Variants in FIP1L1 observed in about 807,000 individuals in gnomAD.
The protein encoded by FIP1L1 is factor interacting with PAPOLA and CPSF1.
FIP1L1 carries 21 observed loss-of-function variants against 84.6 expected under a neutral mutation model. The ratio of observed to expected loss-of-function variants is 0.25; its 90% confidence interval spans 0.18 to 0.36. The LOEUF is 0.36. FIP1L1 is among the 10% of genes least tolerant of loss of function. FIP1L1 has a pLI of 1.00. For synonymous variants in FIP1L1, 263 were observed against 242.3 expected (o/e 1.09, Z -0.80); for missense variants, 526 against 751.1 (o/e 0.70, Z 3.50).
At chr4:53,440,913 A>G (rs577329956) in intron 13 of FIP1L1, 3 of 246,758 alleles carry the variant, frequency 1.2e-5, no homozygotes, top group East Asian at 1.0e-4. Context: ...TTACAGACCA[A>G]TGAATTTTTT....
chr4:53,400,142 T>G (rs955814406), intron 10 of FIP1L1, among the ~76,000 whole-genome samples: 3 of 152,176 alleles, frequency 2.0e-5, no homozygotes, highest in Non-Finnish European at 4.4e-5. Flanking sequence ...AACAGTAGTA[T>G]TTGCTGTTTC....
intron 9 of FIP1L1, among the ~76,000 whole-genome samples, chr4:53,399,354 T>C (rs1425647803): frequency 6.6e-6 from 1 of 152,148 alleles, no homozygotes; most frequent in African/African-American, 2.4e-5. Flanking sequence ...AGAATAAGGG[T>C]GGTGAACACA....
chr4:53,454,103 T>A (rs575754085), intron 16 of FIP1L1, among the ~76,000 whole-genome samples: 1 of 152,330 alleles, frequency 6.6e-6, no homozygotes, highest in South Asian at 2.1e-4. Flanking sequence ...GTATGTGTTT[T>A]AAAAAATTTT....
At chr4:53,406,093 C>G (rs1339899551) in intron 10 of FIP1L1, among the ~76,000 whole-genome samples, 4 of 152,076 alleles carry the variant, frequency 2.6e-5, no homozygotes, top group Admixed American at 1.3e-4. Context: ...TGCCAGTTTT[C>G]AAAGGGAATG....
intron 9 of FIP1L1, among the ~76,000 whole-genome samples, chr4:53,399,412 CAT>C (rs2149484001): frequency 6.6e-6 from 1 of 152,278 alleles, no homozygotes; most frequent in Non-Finnish European, 1.5e-5. Context: ...AACATGAAGT[CAT>C]AACCAAGTAT....
intron 5 of FIP1L1, among the ~76,000 whole-genome samples, chr4:53,388,489 C>G (rs1560491107): frequency 6.6e-6 from 1 of 152,306 alleles, no homozygotes; most frequent in East Asian, 1.9e-4. Context: ...CGCCCACCCC[C>G]ATGCCTGGCT....
intron 5 of FIP1L1, among the ~76,000 whole-genome samples, chr4:53,386,681 T>C (rs897812496): frequency 6.6e-6 from 1 of 152,158 alleles, no homozygotes; most frequent in Non-Finnish European, 1.5e-5. Flanking sequence ...GATGCGTGCC[T>C]TGGAGGAAGT....
At chr4:53,395,710 A>C (rs992878913) in intron 9 of FIP1L1, among the ~76,000 whole-genome samples, 4 of 152,132 alleles carry the variant, frequency 2.6e-5, no homozygotes, top group Admixed American at 6.5e-5. Context: ...TTAGGATGAG[A>C]CATAGTAATA....
intron 10 of FIP1L1, among the ~76,000 whole-genome samples, chr4:53,413,183 A>G (rs1469493796): frequency 6.7e-6 from 1 of 149,500 alleles, no homozygotes. Context: ...GGGTGTTTTT[A>G]TAGTTTGGCA....
At chr4:53,448,198 A>G (rs1287462209) in intron 15 of FIP1L1, among the ~76,000 whole-genome samples, 2 of 152,066 alleles carry the variant, frequency 1.3e-5, no homozygotes, top group Non-Finnish European at 2.9e-5. Context: ...TTTAGGTATA[A>G]AGATCTAGTA....
At chr4:53,408,806 A>T (rs1490329832) in intron 10 of FIP1L1, among the ~76,000 whole-genome samples, 2 of 152,130 alleles carry the variant, frequency 1.3e-5, no homozygotes, top group Non-Finnish European at 2.9e-5. Context: ...AGGCTTCTGC[A>T]TTCTTCACGT....
chr4:53,450,596 G>A (rs1775972047), intron 15 of FIP1L1, among the ~76,000 whole-genome samples: 1 of 152,204 alleles, frequency 6.6e-6, no homozygotes, highest in East Asian at 1.9e-4. Flanking sequence ...GAGGTGGGAA[G>A]ATCACTTGAG....
chr4:53,439,938 A>G (rs1243404269), intron 13 of FIP1L1, among the ~76,000 whole-genome samples: 2 of 152,050 alleles, frequency 1.3e-5, no homozygotes, highest in Non-Finnish European at 2.9e-5. Context: ...ATAATGAGTG[A>G]GAGTCACTCA....
chr4:53,400,540 T>A (rs1238033147), intron 10 of FIP1L1, among the ~76,000 whole-genome samples: 1 of 152,218 alleles, frequency 6.6e-6, no homozygotes, highest in East Asian at 1.9e-4. Flanking sequence ...CAACTATTAC[T>A]AGTTCTCGGC....
chr4:53,378,997 G>A, intron 1 of FIP1L1, 76 bp from the exon 2 acceptor site: 5 of 1,442,904 alleles, frequency 3.5e-6, no homozygotes, highest in Non-Finnish European at 3.8e-6. Flanking sequence ...TAGCAGTAAA[G>A]TCTGATTTTT....
At chr4:53,406,403 T>C (rs80203776) in intron 10 of FIP1L1, among the ~76,000 whole-genome samples, 2 of 152,126 alleles carry the variant, frequency 1.3e-5, no homozygotes, top group East Asian at 1.9e-4. Flanking sequence ...CTGCTGGATT[T>C]GTTTTGCCAG....
intron 9 of FIP1L1, among the ~76,000 whole-genome samples, chr4:53,395,180 A>T (rs1366441599): frequency 2.0e-5 from 3 of 152,222 alleles, no homozygotes; most frequent in Non-Finnish European, 4.4e-5. Context: ...GTAACATCTG[A>T]AGACAAACAA....
chr4:53,377,875 C>T lies in FIP1L1; in HGVS notation c.37C>T (p.Leu13=), dbSNP rs1735385099. Reference sequence around the variant, plus strand: ...CGAGGTCGAGCGCCTAGTGTCGGAGCTGAGCGGCGGGACCGGAGGGGATGA... The same window carrying T: ...CGAGGTCGAGCGCCTAGTGTCGGAGTTGAGCGGCGGGACCGGAGGGGATGA... ...AGEVERLVSE[L]SGGTGGDEEE... The change falls in exon 1 of 18, where the codon CTG becomes TTG. Residue 13 remains leucine (L), a synonymous_variant. Coordinates refer to ENST00000337488, the MANE Select transcript of FIP1L1 (RefSeq NM_030917.4). 6.2e-7 allele frequency: 1 copy of T among 1,602,928 alleles called. No homozygotes were observed. Among genetic ancestry groups the T allele is most frequent in the South Asian group, 1.1e-5 (1 of 88,994 alleles).
At chr4:53,399,864 T>C (rs771831122) in intron 10 of FIP1L1, 25 bp downstream of exon 10, 1 of 1,405,448 alleles carries the variant, frequency 7.1e-7, no homozygotes, top group South Asian at 1.2e-5. Context: ...TATAACTCAA[T>C]TACTGTACGA....
Sources: allele counts gnomAD v4.1 joint callset (sites outside exome capture counted in the v4.1 genomes callset), GRCh38; gene constraint gnomAD v4.1.1; transcripts MANE v1.5; gene names NCBI Gene and HGNC (gene_info 2026-07-23, HGNC 2026-07-21).